Variants in CHIC2 observed in about 807,000 individuals in gnomAD.
CHIC2 encodes the protein cysteine rich hydrophobic domain 2.
In CHIC2, 14 loss-of-function variants were observed where a neutral mutation model predicts 25.9. That is an observed-to-expected ratio of 0.54 (90% CI 0.36 to 0.85). The LOEUF (loss-of-function observed/expected upper bound fraction) is 0.85, where lower values mean the gene tolerates loss of function less well. CHIC2 is among the 40% of genes least tolerant of loss of function. CHIC2 has a pLI of 0.01. For missense variants in CHIC2, 146 were observed against 202.0 expected, an observed-to-expected ratio of 0.72 and a Z score of 1.68; for synonymous variants, 70 against 72.0, an observed-to-expected ratio of 0.97 and a Z score of 0.14.
chr4:54,050,782 T>C (rs1159229341), intron 1 of CHIC2, among the ~76,000 whole-genome samples: 7 of 152,096 alleles, frequency 4.6e-5, no homozygotes, highest in African/African-American at 1.7e-4. Context: ...CATTTTAAGT[T>C]TGTATACACA....
intron 3 of CHIC2, among the ~76,000 whole-genome samples, chr4:54,020,993 C>T (rs1715882907): frequency 6.6e-6 from 1 of 152,118 alleles, no homozygotes; most frequent in African/African-American, 2.4e-5. Context: ...AGGGCTGCTC[C>T]CCACCACCCC....
chr4:54,015,016 G>C (rs534051507), intron 3 of CHIC2, among the ~76,000 whole-genome samples: 1 of 152,116 alleles, frequency 6.6e-6, no homozygotes, highest in Non-Finnish European at 1.5e-5. Flanking sequence ...GAAAATTTGC[G>C]TGTCAAGCAA....
At position 54,064,312 on chromosome 4, in the gene CHIC2, G is replaced by T. The variant is rs768646974; in HGVS notation, c.-12C>A. 4 of 1,613,024 alleles carry T rather than the reference G, an allele frequency of 2.5e-6. No homozygotes were observed. The highest frequency in any genetic ancestry group is 3.4e-6 in the Non-Finnish European group (4 of 1,179,508). ...TCGAAATCCGCCATCCTGAGCCTCC[G>T]AGCTCCCCTGCCCAAAGGGCCTGAC... On this transcript the variant is annotated 5_prime_UTR_variant, in exon 1 of 6. Coordinates refer to ENST00000263921, the MANE Select transcript of CHIC2 (RefSeq NM_012110.4). The surrounding 1 kb of genome is among the most constrained non-coding windows in gnomAD (Gnocchi z 4.2).
At chr4:54,024,834 G>C (rs183928182) in intron 3 of CHIC2, among the ~76,000 whole-genome samples, 2 of 152,030 alleles carry the variant, frequency 1.3e-5, no homozygotes, top group African/African-American at 4.8e-5. Context: ...CTTCTGTTTA[G>C]TTTCTCAATT....
At chr4:54,013,750 T>A in intron 5 of CHIC2, 87 bp downstream of exon 5, 1 of 1,367,628 alleles carries the variant, frequency 7.3e-7, no homozygotes, top group Non-Finnish European at 1.0e-6. Context: ...ACACCTTTGC[T>A]GATTAATAAT....
upstream of CHIC2, among the ~76,000 whole-genome samples, chr4:54,064,855 G>T (rs1717475185): frequency 6.6e-6 from 1 of 152,082 alleles, no homozygotes; most frequent in Non-Finnish European, 1.5e-5. This position sits in a 1 kb window ranked among gnomAD's most constrained non-coding sequence, Gnocchi z 4.2. Context: ...TCTGGGTGGC[G>T]GACCCTGGGG....
intron 3 of CHIC2, among the ~76,000 whole-genome samples, chr4:54,022,006 C>A (rs1715913552): frequency 6.6e-6 from 1 of 152,136 alleles, no homozygotes; most frequent in African/African-American, 2.4e-5. Context: ...ATTGCCAGCA[C>A]ACAAGAACTC....
chr4:54,012,473 G>A (rs563797273), intron 5 of CHIC2, among the ~76,000 whole-genome samples: 22 of 152,124 alleles, frequency 1.4e-4, no homozygotes, highest in Admixed American at 5.2e-4. Context: ...TCATAGCATT[G>A]GGATAACTTT....
intron 2 of CHIC2, 53 bp downstream of exon 2, chr4:54,049,198 G>GA: frequency 1.3e-6 from 2 of 1,564,668 alleles, no homozygotes; most frequent in Non-Finnish European, 1.7e-6. Context: ...AATTTTCTCA[G>GA]AAAAAAACTT....
chr4:54,026,045 A>G (rs1716048405), intron 3 of CHIC2, among the ~76,000 whole-genome samples: 1 of 152,028 alleles, frequency 6.6e-6, no homozygotes, highest in South Asian at 2.1e-4. Context: ...CTGCACAACA[A>G]GCCTATATGG....
intron 3 of CHIC2, among the ~76,000 whole-genome samples, chr4:54,025,494 T>TG (rs1034248863): frequency 1.3e-3 from 192 of 152,296 alleles, no homozygotes; most frequent in African/African-American, 4.2e-3. Context: ...TAAACAGCCT[T>TG]GTCGCTCACA....
rs567002865 is a variant in CHIC2 at position 54,041,664 on chromosome 4, T to C, written c.330+7291A>G. 4.6e-5 allele frequency among the ~76,000 whole-genome samples: 7 copies of C among 152,300 alleles called. No individual in the cohort carries two copies. The East Asian group carries it at 1.3e-3, about 29-fold the overall frequency. On this transcript the variant is annotated intron_variant, in intron 3 of 5. Transcript: ENST00000263921. ...GTTTTCTAGTATTTTGATAACTATATTTTATATAATTGGTTTCCTCTGTAA... is the reference window on the plus strand; with the variant it reads ...GTTTTCTAGTATTTTGATAACTATACTTTATATAATTGGTTTCCTCTGTAA...
chr4:54,046,708 C>A (rs1463176779), intron 3 of CHIC2, among the ~76,000 whole-genome samples: 2 of 152,158 alleles, frequency 1.3e-5, no homozygotes, highest in Non-Finnish European at 2.9e-5. Flanking sequence ...AGAAGAAAAC[C>A]TAGGCATTAC....
chr4:54,030,561 C>CACACACAT (rs1553885013), intron 3 of CHIC2, among the ~76,000 whole-genome samples: 4 of 144,532 alleles, frequency 2.8e-5, no homozygotes, highest in Admixed American at 6.9e-5. Context: ...TGTATACACA[C>CACACACAT]ACACACACAC....
At chr4:54,081,401 GTGTC>G in the CHIC2 span, among the ~76,000 whole-genome samples, 77 of 152,022 alleles carry the variant, frequency 5.1e-4, no homozygotes, top group Admixed American at 1.3e-3. Context: ...GCTTAGTAGA[GTGTC>G]TGGCATGGCA....
chr4:54,057,456 G>A (rs192577599), intron 1 of CHIC2, among the ~76,000 whole-genome samples: 1 of 152,148 alleles, frequency 6.6e-6, no homozygotes, highest in Non-Finnish European at 1.5e-5. Context: ...GGCACCTGCT[G>A]TTCTCCAGAT....
chr4:54,051,677 T>C (rs1717012016), intron 1 of CHIC2, among the ~76,000 whole-genome samples: 2 of 152,120 alleles, frequency 1.3e-5, no homozygotes, highest in African/African-American at 4.8e-5. Context: ...TTCCAAAAAC[T>C]AACCATTTAC....
intron 3 of CHIC2, among the ~76,000 whole-genome samples, chr4:54,044,215 C>T (rs1206195267): frequency 6.6e-6 from 1 of 152,174 alleles, no homozygotes; most frequent in Admixed American, 6.5e-5. Flanking sequence ...GACTTTAACA[C>T]CCCACTGTCA....
chr4:54,052,735 G>T (rs1252807800), intron 1 of CHIC2, among the ~76,000 whole-genome samples: 1 of 152,132 alleles, frequency 6.6e-6, no homozygotes, highest in African/African-American at 2.4e-5. Context: ...TGGCAAGAAG[G>T]TCAAGATGGA....
Sources: allele counts gnomAD v4.1 joint callset (sites outside exome capture counted in the v4.1 genomes callset), GRCh38; gene constraint gnomAD v4.1.1; non-coding constraint Gnocchi (gnomAD v3.1); transcripts MANE v1.5; gene names NCBI Gene and HGNC (gene_info 2026-07-23, HGNC 2026-07-21).